The following ADSS2 variants were observed in gnomAD, a reference collection of about 807,000 sequenced individuals.
ADSS2 encodes the protein adenylosuccinate synthase 2.
In ADSS2, 30 loss-of-function variants were observed where a neutral mutation model predicts 60.0. The ratio of observed to expected loss-of-function variants is 0.50; its 90% CI spans 0.37 to 0.68. ADSS2 has a LOEUF of 0.68. Ranked by LOEUF, ADSS2 falls within the 30% of genes least tolerant of loss-of-function variation. The pLI, the probability that ADSS2 is intolerant of heterozygous loss-of-function variation, is 0.00. For missense variants in ADSS2, 373 were observed against 554.8 expected, an observed-to-expected ratio of 0.67 and a Z score of 3.29; for synonymous variants, 187 against 193.1, an observed-to-expected ratio of 0.97 and a Z score of 0.26.
chr1:244,434,145 C>T (rs142232379), intron 3 of ADSS2, among the ~76,000 whole-genome samples: 21 of 150,090 alleles, frequency 1.4e-4, no homozygotes, highest in African/African-American at 4.9e-4. Flanking sequence ...GAGTTTGAGA[C>T]CAGCCTGGGT....
At chr1:244,426,815 G>GAAA (rs1664816444) in intron 4 of ADSS2, among the ~76,000 whole-genome samples, 1 of 152,040 alleles carries the variant, frequency 6.6e-6, no homozygotes, top group African/African-American at 2.4e-5. Flanking sequence ...CCATTGCCTA[G>GAAA]CTCCTTTCTC....
chr1:244,440,872 CTT>C (rs1471956546), intron 1 of ADSS2, among the ~76,000 whole-genome samples: 1 of 152,118 alleles, frequency 6.6e-6, no homozygotes, highest in Non-Finnish European at 1.5e-5. Context: ...TATATCATAA[CTT>C]ATCATACTGG....
At chr1:244,442,507 C>A (rs1400445555) in intron 1 of ADSS2, among the ~76,000 whole-genome samples, 1 of 151,944 alleles carries the variant, frequency 6.6e-6, no homozygotes, top group African/African-American at 2.4e-5. Flanking sequence ...AAGTTGTTTC[C>A]GTATGGAAAC....
intron 4 of ADSS2, 110 bp downstream of exon 4, chr1:244,432,434 TC>T: frequency 2.6e-6 from 2 of 782,242 alleles, no homozygotes; most frequent in Non-Finnish European, 4.0e-6. Flanking sequence ...CTACAATCCA[TC>T]CTACTTACGC....
At position 244,420,289 on chromosome 1, in the gene ADSS2, A is replaced by G; in HGVS notation, c.671T>C (p.Met224Thr). 1 of 1,611,652 alleles carries G rather than the reference A, an allele frequency of 6.2e-7. No individual in the cohort carries two copies. The highest frequency in any genetic ancestry group is 8.5e-7 in the Non-Finnish European group (1 of 1,178,676). Reference protein sequence around the residue: ...EGELQKLKGYMEKIKPMVRDG... With the variant: ...EGELQKLKGYTEKIKPMVRDG... ...TCTCACCATTGGTTTAATCTTTTCC[A>G]TATAACCCTATACACAAAGACAAAA... The change falls in exon 8 of 13, where the codon ATG becomes ACG. Residue 224 changes from methionine (M) to threonine (T), a missense_variant. This residue lies in a region of ADSS2 where 139 missense variants were observed against 189.4 expected (regional missense o/e 0.73). Coordinates refer to ENST00000366535, the MANE Select transcript of ADSS2 (RefSeq NM_001126.5).
chr1:244,417,456 C>T (rs1664559260), intron 10 of ADSS2, among the ~76,000 whole-genome samples, 172 bp downstream of exon 10: 1 of 152,100 alleles, frequency 6.6e-6, no homozygotes, highest in African/African-American at 2.4e-5. Flanking sequence ...CTTGGGATCT[C>T]TCTCCTTGTG....
Position 244,420,150 on chromosome 1 carries a change from A to G in ADSS2, c.790+20T>C, listed in dbSNP as rs373510004. On this transcript the variant is annotated intron_variant, in intron 8 of 12. Transcript: ENST00000366535. ...AGGGCTCAGTTAAGCTCCCTTAACT[A>G]TAAGTCATATCTCACTTACCAAAAT... 3.0e-5 allele frequency: 49 copies of G among 1,609,936 alleles called. No individual in the cohort carries two copies. The highest frequency in any genetic ancestry group is 1.0e-4 in the Admixed American group (6 of 59,586).
chr1:244,448,023 A>T (rs993571483), intron 1 of ADSS2, among the ~76,000 whole-genome samples: 13 of 152,230 alleles, frequency 8.5e-5, no homozygotes, highest in African/African-American at 3.1e-4. Flanking sequence ...TATAACAGAC[A>T]TTGGTAAATA....
At chr1:244,415,837 T>C in intron 11 of ADSS2, 144 bp downstream of exon 11, 1 of 612,972 alleles carries the variant, frequency 1.6e-6, no homozygotes, top group Non-Finnish European at 2.8e-6. Flanking sequence ...AAATAACTAA[T>C]AATAAGTGAG....
intron 4 of ADSS2, among the ~76,000 whole-genome samples, chr1:244,425,325 CCATTT>C (rs1294001723): frequency 6.6e-6 from 1 of 152,144 alleles, no homozygotes; most frequent in Non-Finnish European, 1.5e-5. Context: ...CAAAATTCAT[CCATTT>C]AAGATGTACA....
chr1:244,409,039 G>C lies in ADSS2; in HGVS notation c.*547C>G, dbSNP rs928787374. 1.3e-5 allele frequency: 2 copies of C among 152,550 alleles called. No homozygotes were observed. Among genetic ancestry groups the C allele is most frequent in the Admixed American group, 6.5e-5 (1 of 15,272 alleles). 9.4% of individuals were successfully genotyped at this position (152,550 alleles called of 1,614,324 possible). Reference sequence around the variant, plus strand: ...CCCAGCCCCACCAAAGCTCAATTTTGCATGGTTTCAGCAGAAAATAGACAG... The same window carrying C: ...CCCAGCCCCACCAAAGCTCAATTTTCCATGGTTTCAGCAGAAAATAGACAG... On this transcript the variant is annotated 3_prime_UTR_variant, in exon 13 of 13. Coordinates refer to ENST00000366535, the MANE Select transcript of ADSS2 (RefSeq NM_001126.5).
chr1:244,431,147 T>C (rs746921311), intron 4 of ADSS2, among the ~76,000 whole-genome samples: 3 of 152,182 alleles, frequency 2.0e-5, no homozygotes, highest in Non-Finnish European at 2.9e-5. Flanking sequence ...TAATACTCTA[T>C]TGCTTCCTAT....
intron 10 of ADSS2, 124 bp downstream of exon 10, chr1:244,417,504 C>T (rs1664560992): frequency 8.4e-7 from 1 of 1,194,686 alleles, no homozygotes. Context: ...TTCTGCCTGG[C>T]ACTACAATTT....
At chr1:244,427,548 A>T (rs1312304325) in intron 4 of ADSS2, among the ~76,000 whole-genome samples, 1 of 152,164 alleles carries the variant, frequency 6.6e-6, no homozygotes, top group African/African-American at 2.4e-5. Flanking sequence ...AAAATGCAAG[A>T]CCCACCTACA....
In ADSS2 at chr1:244,451,768, T is replaced by C; in HGVS notation, c.50A>G (p.Asp17Gly). The change falls in exon 1 of 13, where the codon GAT becomes GGT. Residue 17 changes from aspartate (D) to glycine (G), a missense_variant. Around this residue, in one of 5 missense-constraint regions of ADSS2, gnomAD observed 47 missense variants for 48.3 expected, o/e 0.97. Transcript: ENST00000366535. The surrounding 1 kb of genome is among the most constrained non-coding windows in gnomAD (Gnocchi z 6.6). ...GGGCCGCGCCCTGGGGCGGCCGCAA[T>C]CGCCGTTGGGCAGGGAGGATGCCGC... is the stretch of plus-strand genomic sequence containing the variant. Reference protein sequence around the residue: ...YPAASSLPNGDCGRPRARPGG... With the variant: ...YPAASSLPNGGCGRPRARPGG... 1 of 1,600,320 alleles carries C rather than the reference T, an allele frequency of 6.2e-7. No individual in the cohort carries two copies. Among genetic ancestry groups the C allele is most frequent in the South Asian group, 1.1e-5 (1 of 88,984 alleles).
intron 11 of ADSS2, among the ~76,000 whole-genome samples, chr1:244,413,650 C>G (rs1341910001): frequency 6.6e-6 from 1 of 152,132 alleles, no homozygotes; most frequent in Non-Finnish European, 1.5e-5. Flanking sequence ...AAGGGCCCCC[C>G]AGAAGTCCAT....
intron 4 of ADSS2, among the ~76,000 whole-genome samples, chr1:244,426,989 C>T (rs1190165679): frequency 6.6e-6 from 1 of 152,118 alleles, no homozygotes; most frequent in Non-Finnish European, 1.5e-5. Context: ...CCATACCTGA[C>T]ACAGTAGGCA....
At chr1:244,418,680 C>T (rs1010085198) in intron 9 of ADSS2, 80 bp downstream of exon 9, 9 of 1,379,324 alleles carry the variant, frequency 6.5e-6, no homozygotes, top group Non-Finnish European at 8.7e-6. Flanking sequence ...GTGAAAGGCA[C>T]AGGAGACAAT....
chr1:244,420,092 T>C, intron 8 of ADSS2, 78 bp downstream of exon 8: 1 of 1,426,792 alleles, frequency 7.0e-7, no homozygotes, highest in Non-Finnish European at 9.5e-7. Context: ...AACTCCTTAA[T>C]GCTAACATTA....
Sources: allele counts gnomAD v4.1 joint callset (sites outside exome capture counted in the v4.1 genomes callset), GRCh38; gene constraint gnomAD v4.1.1; regional missense constraint gnomAD v4.1.1; non-coding constraint Gnocchi (gnomAD v3.1); transcripts MANE v1.5; gene names NCBI Gene and HGNC (gene_info 2026-07-23, HGNC 2026-07-21).